Variants in EPHA6 observed in about 807,000 individuals in gnomAD.
The protein encoded by EPHA6 is EPH receptor A6.
Under a neutral mutation model 112.0 loss-of-function variants are expected in EPHA6, and 50 were observed. That is an observed-to-expected ratio of 0.45 (90% CI 0.36 to 0.56). The LOEUF is 0.56. EPHA6 is among the 20% of genes least tolerant of loss of function. The pLI, the probability that EPHA6 is intolerant of heterozygous loss-of-function variation, is 0.00. For synonymous variants in EPHA6, 529 were observed against 490.7 expected (o/e 1.08, Z -1.03); for missense variants, 1,280 against 1,417.4 (o/e 0.90, Z 1.56).
intron 3 of EPHA6, among the ~76,000 whole-genome samples, chr3:97,088,654 T>G (rs1320676878): frequency 6.6e-6 from 1 of 152,222 alleles, no homozygotes; most frequent in Non-Finnish European, 1.5e-5. Context: ...CACAGTCTTC[T>G]GTTCCTCCTC....
At chr3:97,234,472 T>C (rs1384233855) in intron 4 of EPHA6, among the ~76,000 whole-genome samples, 2 of 152,194 alleles carry the variant, frequency 1.3e-5, no homozygotes, top group Non-Finnish European at 2.9e-5. Flanking sequence ...AGATTTTGTT[T>C]TTACTACTTC....
chr3:97,019,278 T>A (rs80001655), intron 3 of EPHA6, among the ~76,000 whole-genome samples: 3,966 of 152,244 alleles, frequency 0.026, 174 homozygotes, highest in African/African-American at 0.088. Context: ...GCTCTGATAA[T>A]TTTTCTTAAT....
At chr3:97,167,750 T>G (rs1325019836) in intron 3 of EPHA6, among the ~76,000 whole-genome samples, 1 of 152,070 alleles carries the variant, frequency 6.6e-6, no homozygotes, top group Non-Finnish European at 1.5e-5. Flanking sequence ...AGTCATATTT[T>G]TATATAGCGT....
At chr3:97,684,472 C>T (rs190131607) in intron 14 of EPHA6, among the ~76,000 whole-genome samples, 14 of 152,214 alleles carry the variant, frequency 9.2e-5, no homozygotes. Context: ...CTGTAAGTGT[C>T]GAAGTGACCA....
chr3:97,053,448 A>G (rs142137124), intron 3 of EPHA6, among the ~76,000 whole-genome samples: 62 of 152,266 alleles, frequency 4.1e-4, no homozygotes, highest in Admixed American at 2.9e-3. Flanking sequence ...TCCTCTTCTG[A>G]CCACAGTAGA....
chr3:96,878,269 C>T (rs2037094461), intron 2 of EPHA6, among the ~76,000 whole-genome samples: 1 of 151,500 alleles, frequency 6.6e-6, no homozygotes, highest in Non-Finnish European at 1.5e-5. Flanking sequence ...ATTGGCAAGG[C>T]ACATTAGAAG....
At chr3:97,010,164 C>A in intron 3 of EPHA6, 1 of 1,056,108 alleles carries the variant, frequency 9.5e-7, no homozygotes, top group South Asian at 1.5e-5. Flanking sequence ...GTTGTGTTTT[C>A]ATTAAGAAGA....
intron 3 of EPHA6, among the ~76,000 whole-genome samples, chr3:97,213,604 G>A (rs940959106): frequency 6.6e-6 from 1 of 152,184 alleles, no homozygotes; most frequent in African/African-American, 2.4e-5. Flanking sequence ...TTCAGGGCAG[G>A]AGAGGGTTGA....
chr3:97,133,258 T>C (rs921959383), intron 3 of EPHA6, among the ~76,000 whole-genome samples: 1 of 152,042 alleles, frequency 6.6e-6, no homozygotes, highest in Non-Finnish European at 1.5e-5. Context: ...AAGCCATCTA[T>C]ATTTGGTGCA....
intron 10 of EPHA6, among the ~76,000 whole-genome samples, chr3:97,521,821 T>A (rs2092547393): frequency 6.6e-6 from 1 of 151,280 alleles, no homozygotes; most frequent in African/African-American, 2.4e-5. Flanking sequence ...TGAGTTTAGG[T>A]CTCATGCCCC....
intron 5 of EPHA6, among the ~76,000 whole-genome samples, chr3:97,303,876 A>C (rs1375647582): frequency 6.6e-6 from 1 of 152,040 alleles, no homozygotes; most frequent in East Asian, 1.9e-4. Context: ...ATCCATGAGC[A>C]TGGAATGTTT....
At chr3:97,112,290 G>T (rs1359412528) in intron 3 of EPHA6, among the ~76,000 whole-genome samples, 1 of 152,100 alleles carries the variant, frequency 6.6e-6, no homozygotes, top group African/African-American at 2.4e-5. Flanking sequence ...AGTAATTTAT[G>T]TGAAAGCTGT....
chr3:97,099,824 A>C (rs2047351458), intron 3 of EPHA6, among the ~76,000 whole-genome samples: 2 of 152,018 alleles, frequency 1.3e-5, no homozygotes, highest in Non-Finnish European at 2.9e-5. Context: ...ATATGGAGCA[A>C]AGTCCCACAG....
chr3:96,986,042 G>A (rs952094572), intron 2 of EPHA6, among the ~76,000 whole-genome samples: 2 of 152,052 alleles, frequency 1.3e-5, no homozygotes, highest in African/African-American at 4.8e-5. Flanking sequence ...GATAAACTAT[G>A]ATGCCTAGCA....
chr3:97,225,473 ATAT>A (rs2078328146), intron 3 of EPHA6, among the ~76,000 whole-genome samples: 1 of 152,180 alleles, frequency 6.6e-6, no homozygotes, highest in Non-Finnish European at 1.5e-5. Flanking sequence ...TGTTTCTCAT[ATAT>A]TATTTATGTA....
At chr3:97,419,383 G>A (rs1346803588) in intron 6 of EPHA6, among the ~76,000 whole-genome samples, 1 of 152,116 alleles carries the variant, frequency 6.6e-6, no homozygotes, top group East Asian at 1.9e-4. Context: ...CAGCACTTTG[G>A]GAGGCCGAGG....
At chr3:97,380,957 T>C (rs1275010391) in intron 5 of EPHA6, among the ~76,000 whole-genome samples, 1 of 152,144 alleles carries the variant, frequency 6.6e-6, no homozygotes, top group East Asian at 1.9e-4. Context: ...GGCAACTTTC[T>C]CTCATATAGA....
chr3:97,684,279 C>T (rs79251458), intron 14 of EPHA6, among the ~76,000 whole-genome samples: 3,977 of 152,116 alleles, frequency 0.026, 151 homozygotes, highest in African/African-American at 0.09. Flanking sequence ...AGAAAAGAAG[C>T]AAATTTACAG....
intron 2 of EPHA6, among the ~76,000 whole-genome samples, chr3:96,966,408 C>T (rs761235418): frequency 4.6e-5 from 7 of 151,966 alleles, no homozygotes; most frequent in Non-Finnish European, 1.0e-4. Flanking sequence ...CAGAAAAATG[C>T]CTCTGAAGCC....
Sources: allele counts gnomAD v4.1 joint callset (sites outside exome capture counted in the v4.1 genomes callset), GRCh38; gene constraint gnomAD v4.1.1; transcripts MANE v1.5; gene names NCBI Gene and HGNC (gene_info 2026-07-23, HGNC 2026-07-21).